The following PSPC1 variants were observed in gnomAD, a reference collection of about 807,000 sequenced individuals.
PSPC1 encodes paraspeckle component 1.
In PSPC1, 14 loss-of-function variants were observed where a neutral mutation model predicts 51.6. The ratio of observed to expected loss-of-function variants is 0.27; its 90% CI spans 0.18 to 0.42. The LOEUF is 0.42. Among genes scored for constraint, PSPC1 ranks in the 10% least tolerant of loss-of-function variants. PSPC1 has a pLI of 1.00. For missense variants in PSPC1, 406 were observed against 701.1 expected (o/e 0.58, Z 4.75); for synonymous variants, 193 against 231.9 (o/e 0.83, Z 1.53).
intron 1 of PSPC1, among the ~76,000 whole-genome samples, chr13:19,779,861 G>A (rs1289614907): frequency 8.0e-4 from 61 of 76,630 alleles, no homozygotes; most frequent in East Asian, 1.4e-3. Context: ...GGAGGGAGGT[G>A]GGGGGGTCGG....
chr13:19,738,927 T>TG (rs915923964), intron 5 of PSPC1, among the ~76,000 whole-genome samples: 4 of 149,092 alleles, frequency 2.7e-5, no homozygotes, highest in African/African-American at 9.8e-5. Context: ...AAAAAGAGAA[T>TG]GACAAGTTTA....
rs147575174 is a variant in PSPC1, at chr13:19,681,925, G to T, written c.1159-4102C>A. On this transcript the variant is annotated intron_variant and NMD_transcript_variant, in intron 6 of 7. Transcript: ENST00000471658. ...AAGCTGCTCTATTCTACTGTTAACT[G>T]TAAGATTCTCTTTAAGCAACAAAGA... 7.9e-5 allele frequency among the ~76,000 whole-genome samples: 12 copies of T among 152,332 alleles called. 2 individuals carry two copies. In the East Asian group the frequency reaches 2.3e-3, roughly 29 times the overall value.
At chr13:19,685,783 C>CA (rs999750316) in intron 6 of PSPC1, among the ~76,000 whole-genome samples, 4 of 151,996 alleles carry the variant, frequency 2.6e-5, no homozygotes, top group African/African-American at 7.2e-5. Flanking sequence ...AAATCCCTAA[C>CA]AAAAAAAACT....
At chr13:19,736,532 A>T (rs1176327524) in intron 5 of PSPC1, among the ~76,000 whole-genome samples, 1 of 151,848 alleles carries the variant, frequency 6.6e-6, no homozygotes, top group Admixed American at 6.6e-5. Flanking sequence ...AAATACAAAA[A>T]ATTAGCCAGG....
chr13:19,686,655 G>A (rs1877917199), intron 6 of PSPC1, among the ~76,000 whole-genome samples: 1 of 152,048 alleles, frequency 6.6e-6, no homozygotes, highest in South Asian at 2.1e-4. Flanking sequence ...ACACATTATT[G>A]TTCATAAAAT....
At chr13:19,755,258 AAAAG>A (rs1449867970) in intron 3 of PSPC1, among the ~76,000 whole-genome samples, 5 of 152,000 alleles carry the variant, frequency 3.3e-5, no homozygotes, top group Non-Finnish European at 5.9e-5. Context: ...AAAAGAAAAG[AAAAG>A]AAAGAGAAAT....
intron 6 of PSPC1, among the ~76,000 whole-genome samples, chr13:19,681,719 C>T (rs536677520): frequency 6.6e-6 from 1 of 152,240 alleles, no homozygotes; most frequent in African/African-American, 2.4e-5. Context: ...TAGGGATTTC[C>T]ATGTTATCTA....
chr13:19,691,493 G>C (rs567643547), intron 6 of PSPC1, among the ~76,000 whole-genome samples: 8 of 152,290 alleles, frequency 5.3e-5, no homozygotes, highest in Admixed American at 2.0e-4. Flanking sequence ...CTGCACTCCA[G>C]CCTGAGTGAC....
chr13:19,723,347 C>T (rs1882999442), intron 6 of PSPC1, among the ~76,000 whole-genome samples: 1 of 152,170 alleles, frequency 6.6e-6, no homozygotes, highest in South Asian at 2.1e-4. Context: ...GTATGAGATT[C>T]AGTCATCATT....
chr13:19,701,604 T>C (rs1202451946), downstream of PSPC1, among the ~76,000 whole-genome samples: 1 of 151,946 alleles, frequency 6.6e-6, no homozygotes, highest in Non-Finnish European at 1.5e-5. Context: ...CATGAAAGAG[T>C]ACGTATGAAA....
chr13:19,776,344 C>A (rs1209404363), intron 1 of PSPC1, among the ~76,000 whole-genome samples: 1 of 151,800 alleles, frequency 6.6e-6, no homozygotes, highest in African/African-American at 2.4e-5. Context: ...TGTGTGCCTG[C>A]GGTCCCAGCA....
chr13:19,693,402 T>C (rs764274881), intron 6 of PSPC1, among the ~76,000 whole-genome samples: 1 of 152,210 alleles, frequency 6.6e-6, no homozygotes, highest in Non-Finnish European at 1.5e-5. Flanking sequence ...CCATATTTTG[T>C]TCATTTTGGT....
intron 4 of PSPC1, among the ~76,000 whole-genome samples, chr13:19,749,425 G>C (rs1886309065): frequency 6.6e-6 from 1 of 151,380 alleles, no homozygotes; most frequent in African/African-American, 2.4e-5. Context: ...TACTAGGGAG[G>C]GTGAGGCACG....
chr13:19,758,438 C>T (rs570362359), intron 3 of PSPC1, among the ~76,000 whole-genome samples: 3 of 152,174 alleles, frequency 2.0e-5, no homozygotes, highest in South Asian at 4.2e-4. Flanking sequence ...AGAGTTTTTC[C>T]GCTGTGCCAG....
intron 3 of PSPC1, among the ~76,000 whole-genome samples, chr13:19,752,051 C>T (rs1319498603): frequency 6.6e-6 from 1 of 151,948 alleles, no homozygotes; most frequent in Non-Finnish European, 1.5e-5. Context: ...GAGCGAGACT[C>T]CGTCCCAAAA....
chr13:19,710,640 GAT>G (rs1881271706), intron 6 of PSPC1, among the ~76,000 whole-genome samples: 1 of 152,132 alleles, frequency 6.6e-6, no homozygotes, highest in African/African-American at 2.4e-5. Context: ...AAAAGCCTAT[GAT>G]GGAAACGTAA....
chr13:19,726,068 T>C (rs1883329809), intron 6 of PSPC1, among the ~76,000 whole-genome samples: 1 of 152,076 alleles, frequency 6.6e-6, no homozygotes, highest in African/African-American at 2.4e-5. Context: ...GGCAGGAAGA[T>C]TCACTTAAGC....
At chr13:19,777,928 AGAGT>A (rs1170507087) in intron 1 of PSPC1, among the ~76,000 whole-genome samples, 1 of 150,910 alleles carries the variant, frequency 6.6e-6, no homozygotes, top group African/African-American at 2.4e-5. Flanking sequence ...CCTGGGCGAC[AGAGT>A]GAGACTCCCT....
At chr13:19,677,491 A>C (rs1301338690) in intron 7 of PSPC1, among the ~76,000 whole-genome samples, 1 of 152,196 alleles carries the variant, frequency 6.6e-6, no homozygotes, top group Non-Finnish European at 1.5e-5. Flanking sequence ...AGTCCCCTCT[A>C]GCCTTGCTGA....
Sources: gnomAD v4.1 joint callset for allele counts (sites outside exome capture counted in the v4.1 genomes callset) on GRCh38, gnomAD v4.1.1 for gene constraint, MANE v1.5 for transcripts, NCBI Gene and HGNC (gene_info 2026-07-23, HGNC 2026-07-21) for gene names.